Variants in L3MBTL4 observed in about 807,000 individuals in gnomAD.
L3MBTL4 encodes the protein lethal(3)malignant brain tumor-like protein 4.
A neutral mutation model predicts 84.5 loss-of-function variants in L3MBTL4; 70 were observed. The observed-to-expected ratio is 0.83, with a 90% CI of 0.68 to 1.01. L3MBTL4 has a LOEUF of 1.01. L3MBTL4 is among the 50% of genes least tolerant of loss of function. L3MBTL4 has a pLI of 0.00. For synonymous variants in L3MBTL4, 274 were observed against 259.8 expected, an observed-to-expected ratio of 1.05 and a Z score of -0.52; for missense variants, 715 against 754.8, an observed-to-expected ratio of 0.95 and a Z score of 0.62.
At chr18:6,204,801 A>G (rs2045802385) in intron 12 of L3MBTL4, among the ~76,000 whole-genome samples, 1 of 152,146 alleles carries the variant, frequency 6.6e-6, no homozygotes, top group Admixed American at 6.5e-5. Context: ...CTGTCACACT[A>G]TCCTTGCTCT....
chr18:6,124,444 G>A (rs2059624145), intron 14 of L3MBTL4, among the ~76,000 whole-genome samples: 2 of 147,736 alleles, frequency 1.4e-5, no homozygotes, highest in African/African-American at 4.9e-5. Context: ...TTATATATAT[G>A]TATATATAAA....
At chr18:6,106,282 C>G (rs2059003808) in intron 14 of L3MBTL4, among the ~76,000 whole-genome samples, 1 of 152,140 alleles carries the variant, frequency 6.6e-6, no homozygotes, top group Non-Finnish European at 1.5e-5. Context: ...TGGCACAATG[C>G]CTTGTACATA....
chr18:6,181,792 T>C (rs1380174991), intron 12 of L3MBTL4, among the ~76,000 whole-genome samples: 3 of 152,202 alleles, frequency 2.0e-5, no homozygotes, highest in South Asian at 2.1e-4. Context: ...TTAGTTCACT[T>C]AGGATAACGG....
intron 4 of L3MBTL4, among the ~76,000 whole-genome samples, chr18:6,283,758 T>C (rs747123881): frequency 6.6e-6 from 1 of 152,234 alleles, no homozygotes; most frequent in Non-Finnish European, 1.5e-5. Context: ...AGCAAGAGAA[T>C]TGAGGCTTGG....
chr18:6,306,156 T>C (rs78534733), intron 3 of L3MBTL4, among the ~76,000 whole-genome samples: 1 of 152,354 alleles, frequency 6.6e-6, no homozygotes, highest in East Asian at 1.9e-4. Flanking sequence ...TTTCACCTGC[T>C]AGTTCAAGTC....
In L3MBTL4 at chr18:6,156,372, C is replaced by T. The variant is rs145050736; in HGVS notation, c.1096+15456G>A. 3.8e-3 allele frequency among the ~76,000 whole-genome samples: 571 copies of T among 152,242 alleles called. 2 individuals are homozygous for T. Among genetic ancestry groups the T allele is most frequent in the African/African-American group, 0.013 (536 of 41,550 alleles). ...TAGAGATACCAAATAAATCTCTATT[C>T]AATTACCACAACAACAATGAGATGA... On this transcript the variant is annotated intron_variant, in intron 13 of 18. Transcript: ENST00000317931.
chr18:6,360,876 GGTAGCATACTTTTGTA>G lies in L3MBTL4; in HGVS notation c.-90-48836_-90-48821del, dbSNP rs374243828. Among the ~76,000 whole-genome samples the G allele has an allele frequency of 2.9e-3, 434 of 152,070 alleles. 2 individuals carry two copies. The highest frequency in any genetic ancestry group is 9.9e-3 in the African/African-American group (411 of 41,484). The stretch of plus-strand genomic sequence containing the variant: ...TAAATTTAAAAAATTAGCTGGGCAT[GGTAGCATACTTTTGTA>G]GTCTCAGCTACCTGGGAGACTTAGG... On this transcript the variant is annotated intron_variant, in intron 1 of 18. Transcript: ENST00000317931.
In L3MBTL4 at chr18:6,337,545, G is replaced by GCTATTTATATAAA. The variant is rs1462948691; in HGVS notation, c.-90-25490_-90-25489insTTTATATAAATAG. Among the ~76,000 whole-genome samples the GCTATTTATATAAA allele has an allele frequency of 3.0e-4, 46 of 152,094 alleles. 1 individual carries two copies. The East Asian group carries it at 5.0e-3, about 17-fold the overall frequency. ...GCTATTTATATAAAGTTCAATAACA[G>GCTATTTATATAAA]GCAAAACTAACCTAAAGCATGGGAA... On this transcript the variant is annotated intron_variant, in intron 1 of 18. Coordinates refer to ENST00000317931, the MANE Select transcript of L3MBTL4 (RefSeq NM_001330559.2).
At chr18:6,235,113 A>G (rs942618159) in intron 10 of L3MBTL4, among the ~76,000 whole-genome samples, 2 of 152,232 alleles carry the variant, frequency 1.3e-5, no homozygotes, top group African/African-American at 4.8e-5. Context: ...GTGGGAATTG[A>G]ACAATGAGAA....
intron 12 of L3MBTL4, among the ~76,000 whole-genome samples, chr18:6,179,969 C>T (rs915253515): frequency 3.9e-5 from 6 of 152,134 alleles, no homozygotes; most frequent in African/African-American, 7.2e-5. Context: ...GTTCACAGTA[C>T]TATTTTAATA....
chr18:6,245,941 T>C (rs1041366048), intron 5 of L3MBTL4, among the ~76,000 whole-genome samples: 3 of 152,172 alleles, frequency 2.0e-5, no homozygotes, highest in East Asian at 1.9e-4. Flanking sequence ...TTTAAATTTG[T>C]AGTACAATTG....
chr18:6,019,830 T>C (rs954953395), intron 16 of L3MBTL4, among the ~76,000 whole-genome samples: 1 of 152,218 alleles, frequency 6.6e-6, no homozygotes, highest in Non-Finnish European at 1.5e-5. Context: ...CCCTTTTCTG[T>C]GCAAATTTAG....
intron 13 of L3MBTL4, among the ~76,000 whole-genome samples, chr18:6,164,192 C>A (rs931173296): frequency 1.3e-5 from 2 of 152,258 alleles, no homozygotes; most frequent in African/African-American, 4.8e-5. Flanking sequence ...GAAGCTGGAA[C>A]TGGGTGGAGC....
intron 16 of L3MBTL4, among the ~76,000 whole-genome samples, chr18:6,046,427 A>G (rs1212638975): frequency 6.6e-6 from 1 of 152,138 alleles, no homozygotes; most frequent in Non-Finnish European, 1.5e-5. Context: ...TCTACAGAAT[A>G]CTCCACCAAT....
At chr18:6,177,594 T>G (rs1361385136) in intron 12 of L3MBTL4, among the ~76,000 whole-genome samples, 1 of 152,238 alleles carries the variant, frequency 6.6e-6, no homozygotes, top group African/African-American at 2.4e-5. Context: ...TCTGTACATC[T>G]TATCATTTGC....
At chr18:6,120,416 C>T (rs1314663116) in intron 14 of L3MBTL4, among the ~76,000 whole-genome samples, 1 of 152,148 alleles carries the variant, frequency 6.6e-6, no homozygotes. Context: ...TTGCAAGGGC[C>T]AGCTTGTGGA....
intron 16 of L3MBTL4, among the ~76,000 whole-genome samples, chr18:6,001,326 C>G (rs1166919214): frequency 6.6e-6 from 1 of 152,186 alleles, no homozygotes; most frequent in Admixed American, 6.5e-5. Flanking sequence ...CATTTAAAAG[C>G]AATAACATAT....
At chr18:6,191,019 G>A (rs2045055542) in intron 12 of L3MBTL4, among the ~76,000 whole-genome samples, 2 of 152,218 alleles carry the variant, frequency 1.3e-5, no homozygotes, top group African/African-American at 4.8e-5. Flanking sequence ...CACAGGTACA[G>A]TATGAGGTAG....
intron 16 of L3MBTL4, chr18:6,029,896 A>G: frequency 1.0e-6 from 1 of 985,416 alleles, no homozygotes; most frequent in Non-Finnish European, 1.2e-6. Flanking sequence ...GATTCTCACA[A>G]GCATGAGTGA....
Sources: allele counts gnomAD v4.1 joint callset (sites outside exome capture counted in the v4.1 genomes callset), GRCh38; gene constraint gnomAD v4.1.1; transcripts MANE v1.5; gene names NCBI Gene and HGNC (gene_info 2026-07-23, HGNC 2026-07-21).